The following ZNF445 variants were observed in gnomAD, a reference collection of about 807,000 sequenced individuals.
The protein encoded by ZNF445 is zinc finger protein 445, also known as zinc finger protein 168.
ZNF445 carries 19 observed loss-of-function variants against 93.9 expected under a neutral mutation model. That is an observed-to-expected ratio of 0.20 (90% CI 0.14 to 0.30). The LOEUF (loss-of-function observed/expected upper bound fraction) is 0.30, where lower values mean the gene tolerates loss of function less well. ZNF445 is among the 10% of genes least tolerant of loss of function. The pLI, the probability that ZNF445 is intolerant of heterozygous loss-of-function variation, is 1.00. For synonymous variants in ZNF445, 449 were observed against 446.3 expected (o/e 1.01, Z -0.08); for missense variants, 1,058 against 1,259.4 (o/e 0.84, Z 2.42).
Position 44,466,742 on chromosome 3 carries a change from T to C in ZNF445, c.-268-8378A>G, listed in dbSNP as rs376363230. Among the ~76,000 whole-genome samples the C allele has an allele frequency of 2.0e-5, 3 of 152,232 alleles. No individual in the cohort carries two copies. In the East Asian group the frequency reaches 5.8e-4, roughly 29 times the overall value. ...GATTCTGATTAATTAACTCTGGAGA[T>C]TGTAACATTAGAATAAACACTTTCA... is the stretch of plus-strand genomic sequence containing the variant. On this transcript the variant is annotated intron_variant, in intron 1 of 7. Transcript: ENST00000396077.
chr3:44,444,389 C>G lies in ZNF445; in HGVS notation c.*2186G>C, dbSNP rs1406306950. The G allele has an allele frequency of 1.3e-5, 2 of 152,154 alleles. No homozygotes were observed. The highest frequency in any genetic ancestry group is 2.9e-5 in the Non-Finnish European group (2 of 68,052). The allele number at this position is 152,154 out of a possible 1,614,324, so 9.4% of individuals were successfully genotyped here. ...CACCAATCTCAGGAATCAGGTAGCA[C>G]AGCCAAGCACTCTAACTTCACACAT... On this transcript the variant is annotated 3_prime_UTR_variant, in exon 8 of 8. Coordinates refer to ENST00000396077, the MANE Select transcript of ZNF445 (RefSeq NM_181489.6).
chr3:44,471,259 G>C (rs115696727), intron 1 of ZNF445, among the ~76,000 whole-genome samples: 2 of 152,202 alleles, frequency 1.3e-5, no homozygotes, highest in African/African-American at 4.8e-5. Context: ...AGAAGTAAAA[G>C]TACCCAGACA....
In ZNF445 at chr3:44,446,433, T is replaced by C. The variant is rs1697878496; in HGVS notation, c.*142A>G. On this transcript the variant is annotated 3_prime_UTR_variant, in exon 8 of 8. Coordinates refer to ENST00000396077, the MANE Select transcript of ZNF445 (RefSeq NM_181489.6). The surrounding 1 kb of genome is among the most constrained non-coding windows in gnomAD (Gnocchi z 4.2). ...GGCAGGCTGGGGACTCCCCGAGCTT[T>C]CAAATCCTTGGGATTCTGTCACTAG... 7.7e-7 allele frequency: 1 copy of C among 1,304,252 alleles called. No individual in the cohort carries two copies. The highest frequency in any genetic ancestry group is 1.0e-6 in the Non-Finnish European group (1 of 956,146). 80.8% of individuals were successfully genotyped at this position (1,304,252 alleles called of 1,614,324 possible). A position where few individuals can be genotyped will look rare whatever the true frequency, so the allele number is the denominator to read the frequency against.
At position 44,443,784 on chromosome 3, in the gene ZNF445, T is replaced by G. The variant is rs996735944; in HGVS notation, c.*2791A>C. On this transcript the variant is annotated 3_prime_UTR_variant, in exon 8 of 8. Coordinates refer to ENST00000396077, the MANE Select transcript of ZNF445 (RefSeq NM_181489.6). ...AAAAAAAAAAAATTCAGTTTTTCAC[T>G]TCATTCTTTGCACATTTTAAAATTT... 6 of 151,848 alleles carry G rather than the reference T, an allele frequency of 4.0e-5. No homozygotes were observed. Among genetic ancestry groups the G allele is most frequent in the Non-Finnish European group, 5.9e-5 (4 of 67,980 alleles). The allele number at this position is 151,848 out of a possible 1,614,324, so 9.4% of individuals were successfully genotyped here.
intron 1 of ZNF445, among the ~76,000 whole-genome samples, chr3:44,476,151 A>ATTGTTTCTAAT (rs1698348947): frequency 6.6e-6 from 1 of 152,192 alleles, no homozygotes; most frequent in East Asian, 1.9e-4. Context: ...TTCTAATACA[A>ATTGTTTCTAAT]AATCTTGAAA....
rs536551491 is a variant in ZNF445, at chr3:44,435,289, T to A, written c.*11286A>T. ...CTCACTGGACAGCCTTGTGAATAAT[T>A]CTTCTCTCTTTTGCAAAACCCATGT... On this transcript the variant is annotated 3_prime_UTR_variant, in exon 8 of 8. Coordinates refer to ENST00000396077, the MANE Select transcript of ZNF445 (RefSeq NM_181489.6). 5 of 152,288 alleles carry A rather than the reference T, an allele frequency of 3.3e-5. No homozygotes were observed. The highest frequency in any genetic ancestry group is 1.3e-4 in the Admixed American group (2 of 15,284). The allele number at this position is 152,288 out of a possible 1,614,324, so 9.4% of individuals were successfully genotyped here.
At chr3:44,477,300 T>C (rs1160454842) in intron 1 of ZNF445, among the ~76,000 whole-genome samples, 1 of 152,266 alleles carries the variant, frequency 6.6e-6, no homozygotes, top group Non-Finnish European at 1.5e-5. Context: ...TCCCGTGTTA[T>C]CTAATTGTCT....
chr3:44,453,456 G>A (rs1559394717), intron 3 of ZNF445, among the ~76,000 whole-genome samples: 2 of 151,590 alleles, frequency 1.3e-5, no homozygotes, highest in Non-Finnish European at 2.9e-5. Flanking sequence ...CACCACACCC[G>A]GCTAATTTCT....
chr3:44,437,569 G>T lies in ZNF445; in HGVS notation c.*9006C>A, dbSNP rs1253900156. 2 of 152,150 alleles carry T rather than the reference G, an allele frequency of 1.3e-5. No individual in the cohort carries two copies. Among genetic ancestry groups the T allele is most frequent in the Non-Finnish European group, 2.9e-5 (2 of 68,034 alleles). 9.4% of individuals were successfully genotyped at this position (152,150 alleles called of 1,614,324 possible). On this transcript the variant is annotated 3_prime_UTR_variant, in exon 8 of 8. Coordinates refer to ENST00000396077, the MANE Select transcript of ZNF445 (RefSeq NM_181489.6). ...AGGATGGAGTAACCTCTAACCTGAGGTCAGTCAAGTGTCCTTGCCTTTTAT... is the reference window on the plus strand; with the variant it reads ...AGGATGGAGTAACCTCTAACCTGAGTTCAGTCAAGTGTCCTTGCCTTTTAT...
At chr3:44,451,638 C>A (rs990224347) in intron 3 of ZNF445, among the ~76,000 whole-genome samples, 156 bp from the exon 4 acceptor site, 1 of 152,166 alleles carries the variant, frequency 6.6e-6, no homozygotes, top group Non-Finnish European at 1.5e-5. Flanking sequence ...GCAAGAAGAA[C>A]GCCCAGGGAG....
chr3:44,448,126 A>G lies in ZNF445; in HGVS notation c.1545T>C (p.Cys515=). Residue 515 remains cysteine (C), a synonymous_variant, in exon 8 of 8, where the codon TGT becomes TGC. Transcript: ENST00000396077. ...RLHTQEKAFK[C]RVCGKAFRWS... is the part of the protein sequence containing the mutation. ...ACCGGAAGGCTTTCCCACACACCCT[A>G]CATTTAAATGCTTTCTCTTGAGTGT... 1 of 1,614,038 alleles carries G rather than the reference A, an allele frequency of 6.2e-7. No homozygotes were observed. The highest frequency in any genetic ancestry group is 8.5e-7 in the Non-Finnish European group (1 of 1,180,024).
rs1697557402 is a variant in ZNF445, at chr3:44,431,904, T to C, written c.*14671A>G. On this transcript the variant is annotated 3_prime_UTR_variant, in exon 8 of 8. Transcript: ENST00000396077. ...TGAATGAATATATCTGAAGATTATATGAAATTTATTTTTTATTTTTTATTT... is the reference window on the plus strand; with the variant it reads ...TGAATGAATATATCTGAAGATTATACGAAATTTATTTTTTATTTTTTATTT... 1 of 152,050 alleles carries C rather than the reference T, an allele frequency of 6.6e-6. No homozygotes were observed. Among genetic ancestry groups the C allele is most frequent in the Non-Finnish European group, 1.5e-5 (1 of 68,044 alleles). The allele number at this position is 152,050 out of a possible 1,614,324, so 9.4% of individuals were successfully genotyped here.
At chr3:44,469,401 C>A (rs777322531) in intron 1 of ZNF445, among the ~76,000 whole-genome samples, 1 of 152,176 alleles carries the variant, frequency 6.6e-6, no homozygotes, top group Non-Finnish European at 1.5e-5. Flanking sequence ...AAGACCTTAA[C>A]CCCTCCTCTG....
At chr3:44,475,822 A>T (rs539781932) in intron 1 of ZNF445, among the ~76,000 whole-genome samples, 3 of 152,118 alleles carry the variant, frequency 2.0e-5, no homozygotes, top group South Asian at 2.1e-4. Context: ...AATACGGTGA[A>T]ACCCCGTCTT....
At position 44,446,582 on chromosome 3, in the gene ZNF445, C is replaced by A. The variant is rs1428237704; in HGVS notation, c.3089G>T (p.Arg1030Ile). 5 of 1,614,070 alleles carry A rather than the reference C, an allele frequency of 3.1e-6. No individual in the cohort carries two copies. The South Asian group carries it at 5.5e-5, about 18-fold the overall frequency. The change falls in exon 8 of 8, where the codon AGA (arginine) becomes ATA (isoleucine). Residue 1030 changes from arginine (R) to isoleucine (I), a missense_variant. By Grantham distance (97) the Arg-to-Ile change is moderately conservative. This residue lies in a region of ZNF445 where 387 missense variants were observed against 475.7 expected (regional missense o/e 0.81). Coordinates refer to ENST00000396077, the MANE Select transcript of ZNF445 (RefSeq NM_181489.6). This position sits in a 1 kb window ranked among gnomAD's most constrained non-coding sequence, Gnocchi z 4.2. ...TCACTGTCAGGTCCCAGGCTAATCTCTAATATGGTTTTTCATATGCCGAGC... is the reference window on the plus strand; with the variant it reads ...TCACTGTCAGGTCCCAGGCTAATCTATAATATGGTTTTTCATATGCCGAGC... ...NLARHMKNHI[R>I]D
intron 6 of ZNF445, chr3:44,450,136 A>T (rs1697936954): frequency 5.5e-6 from 2 of 363,462 alleles, no homozygotes; most frequent in South Asian, 5.1e-5. Context: ...ATGGGGTTTC[A>T]CTATGTTGCC....
intron 1 of ZNF445, among the ~76,000 whole-genome samples, chr3:44,461,186 TG>T (rs539284712): frequency 3.9e-4 from 60 of 152,278 alleles, no homozygotes; most frequent in Non-Finnish European, 7.8e-4. Flanking sequence ...AGCCCTATGG[TG>T]TGGTGTCTGT....
intron 1 of ZNF445, among the ~76,000 whole-genome samples, chr3:44,467,007 T>C (rs570761620): frequency 1.3e-5 from 2 of 152,324 alleles, no homozygotes; most frequent in South Asian, 4.1e-4. Context: ...TTGGTCCTTT[T>C]CAAAAGGCAG....
chr3:44,458,906 G>GAC (rs1015932396), intron 1 of ZNF445, among the ~76,000 whole-genome samples: 3 of 152,192 alleles, frequency 2.0e-5, no homozygotes, highest in African/African-American at 7.2e-5. Context: ...AATTTGAACT[G>GAC]ACAGCCTGAA....
Sources: allele counts gnomAD v4.1 joint callset (sites outside exome capture counted in the v4.1 genomes callset), GRCh38; gene constraint gnomAD v4.1.1; regional missense constraint gnomAD v4.1.1; non-coding constraint Gnocchi (gnomAD v3.1); transcripts MANE v1.5; gene names NCBI Gene and HGNC (gene_info 2026-07-23, HGNC 2026-07-21).